Variants in GALNTL6 observed in about 807,000 individuals in gnomAD.
GALNTL6 encodes polypeptide N-acetylgalactosaminyltransferase-like 6.
Under a neutral mutation model 73.7 loss-of-function variants are expected in GALNTL6, and 46 were observed. The observed-to-expected ratio is 0.62, with a 90% CI of 0.49 to 0.80. GALNTL6 has a LOEUF of 0.80. Among genes scored for constraint, GALNTL6 ranks in the 30% least tolerant of loss-of-function variants. The probability of loss-of-function intolerance (pLI) is 0.00; values close to 1 mark genes in which losing one functional copy is unlikely to be tolerated. For missense variants in GALNTL6, 604 were observed against 755.0 expected, an observed-to-expected ratio of 0.80 and a Z score of 2.34; for synonymous variants, 259 against 263.7, an observed-to-expected ratio of 0.98 and a Z score of 0.17.
intron 2 of GALNTL6, among the ~76,000 whole-genome samples, chr4:171,958,991 ATAAACT>A (rs1739137637): frequency 6.6e-6 from 1 of 152,152 alleles, no homozygotes; most frequent in Admixed American, 6.5e-5. Context: ...ACCTTCTGAA[ATAAACT>A]TAAAGGAAAT....
At chr4:172,515,214 A>G (rs1479284053) in intron 5 of GALNTL6, among the ~76,000 whole-genome samples, 1 of 152,240 alleles carries the variant, frequency 6.6e-6, no homozygotes, top group Non-Finnish European at 1.5e-5. Context: ...CATCTTATCA[A>G]TTTAAAGGAA....
At chr4:172,196,022 T>TA (rs1560964447) in intron 2 of GALNTL6, among the ~76,000 whole-genome samples, 7 of 142,188 alleles carry the variant, frequency 4.9e-5, no homozygotes, top group African/African-American at 1.6e-4. Flanking sequence ...TTTTTTTTTT[T>TA]TAAATTAATA....
chr4:173,034,577 C>T (rs1753607628), intron 12 of GALNTL6, among the ~76,000 whole-genome samples: 1 of 152,128 alleles, frequency 6.6e-6, no homozygotes, highest in South Asian at 2.1e-4. Context: ...TGCTTAGGGC[C>T]CAGACCCTGG....
At chr4:171,891,647 T>C (rs1467127990) in intron 2 of GALNTL6, among the ~76,000 whole-genome samples, 2 of 152,182 alleles carry the variant, frequency 1.3e-5, no homozygotes, top group Non-Finnish European at 2.9e-5. Context: ...TTTTGTGCTG[T>C]AGTGAGTATT....
At chr4:172,140,657 G>C (rs892431420) in intron 2 of GALNTL6, among the ~76,000 whole-genome samples, 1 of 151,970 alleles carries the variant, frequency 6.6e-6, no homozygotes, top group Non-Finnish European at 1.5e-5. Context: ...GTTCTCAACT[G>C]TTATGTTAGT....
In GALNTL6 at chr4:172,194,134, A is replaced by G. The variant is rs186875193; in HGVS notation, c.139-35522A>G. 4.7e-3 allele frequency among the ~76,000 whole-genome samples: 713 copies of G among 152,330 alleles called. 7 individuals are homozygous for G. Among genetic ancestry groups the G allele is most frequent in the African/African-American group, 0.016 (666 of 41,588 alleles). ...GTTAACCAGAATAACCAGTTTAGAGAGGAACATAAATGACCTGATGGAGCT... is the reference window on the plus strand; with the variant it reads ...GTTAACCAGAATAACCAGTTTAGAGGGGAACATAAATGACCTGATGGAGCT... On this transcript the variant is annotated intron_variant, in intron 2 of 12. Transcript: ENST00000506823.
At chr4:172,272,935 T>G (rs1449570750) in intron 3 of GALNTL6, among the ~76,000 whole-genome samples, 1 of 150,732 alleles carries the variant, frequency 6.6e-6, no homozygotes, top group East Asian at 2.0e-4. Context: ...AAGAGAGATT[T>G]GTCAATACAA....
chr4:172,787,528 C>T (rs1200603677), intron 5 of GALNTL6, among the ~76,000 whole-genome samples: 4 of 152,164 alleles, frequency 2.6e-5, no homozygotes, highest in Non-Finnish European at 4.4e-5. Flanking sequence ...AACTAGTAGC[C>T]ATTTGGTCTT....
intron 2 of GALNTL6, among the ~76,000 whole-genome samples, chr4:172,095,021 T>A (rs1177888933): frequency 1.4e-5 from 2 of 147,198 alleles, no homozygotes; most frequent in Admixed American, 6.7e-5. Context: ...AAAAAAAAAA[T>A]CACATGGGAA....
At chr4:172,728,292 C>T (rs1384838316) in intron 5 of GALNTL6, among the ~76,000 whole-genome samples, 1 of 152,156 alleles carries the variant, frequency 6.6e-6, no homozygotes, top group Non-Finnish European at 1.5e-5. Flanking sequence ...ACCTTCCTGG[C>T]CTCCGATAAC....
At position 171,888,412 on chromosome 4, in the gene GALNTL6, C is replaced by T. The variant is rs545581333; in HGVS notation, c.138+73694C>T. Among the ~76,000 whole-genome samples, 27 of 150,628 alleles carry T rather than the reference C, an allele frequency of 1.8e-4. No homozygotes were observed. The South Asian group carries it at 5.5e-3, about 31-fold the overall frequency. On this transcript the variant is annotated intron_variant, in intron 2 of 12. Coordinates refer to ENST00000506823, the MANE Select transcript of GALNTL6 (RefSeq NM_001034845.3). ...CTTTTTGCTTAGTTTGATAGGAGCC[C>T]TTATTGACGTAAAATGGTTGTAGCA...
At chr4:171,952,862 A>G (rs78141477) in intron 2 of GALNTL6, among the ~76,000 whole-genome samples, 3,261 of 116,066 alleles carry the variant, frequency 0.028, 89 homozygotes, top group East Asian at 0.094. Context: ...TAATAAATAT[A>G]TAAACCTTGA....
intron 10 of GALNTL6, among the ~76,000 whole-genome samples, chr4:173,000,329 T>C (rs1188418845): frequency 6.6e-6 from 1 of 151,940 alleles, no homozygotes; most frequent in Non-Finnish European, 1.5e-5. Context: ...TCCCGAAAAA[T>C]AAATGAGAGT....
At chr4:172,828,683 C>T (rs927541396) in intron 7 of GALNTL6, among the ~76,000 whole-genome samples, 2 of 152,234 alleles carry the variant, frequency 1.3e-5, no homozygotes, top group East Asian at 1.9e-4. Flanking sequence ...AGAAAGGGAA[C>T]AAGTACAATT....
Position 172,720,638 on chromosome 4 carries a change from T to C in GALNTL6, c.554-88723T>C, listed in dbSNP as rs529677219. 2.8e-4 allele frequency among the ~76,000 whole-genome samples: 43 copies of C among 152,266 alleles called. No homozygotes were observed. In the South Asian group the frequency reaches 8.5e-3, roughly 30 times the overall value. On this transcript the variant is annotated intron_variant, in intron 5 of 12. Transcript: ENST00000506823. ...AAATGAAAAACTTCCTCTAAATCAA[T>C]ATAAACAAAAAATTAAAAGGCTGAC... is the stretch of plus-strand genomic sequence containing the variant.
intron 5 of GALNTL6, chr4:172,667,378 A>C (rs1027136554): frequency 6.6e-6 from 1 of 152,222 alleles, no homozygotes; most frequent in Non-Finnish European, 1.5e-5. Flanking sequence ...CTACTGTCAT[A>C]ATCACAAAGT....
chr4:173,002,206 A>G (rs909340502), intron 10 of GALNTL6, among the ~76,000 whole-genome samples: 2 of 151,890 alleles, frequency 1.3e-5, no homozygotes, highest in African/African-American at 4.8e-5. Context: ...CCTGGCCAAC[A>G]TGGTGAAACG....
intron 10 of GALNTL6, among the ~76,000 whole-genome samples, chr4:172,999,622 T>A (rs1171778031): frequency 2.6e-5 from 4 of 152,094 alleles, no homozygotes; most frequent in Non-Finnish European, 5.9e-5. Context: ...TCTTCCAAAT[T>A]TCAGACTTCT....
intron 5 of GALNTL6, among the ~76,000 whole-genome samples, chr4:172,395,737 A>G (rs1159293036): frequency 6.6e-6 from 1 of 152,214 alleles, no homozygotes; most frequent in Non-Finnish European, 1.5e-5. Flanking sequence ...GAAATATTAC[A>G]AATTTAAAGG....
Sources: allele counts gnomAD v4.1 joint callset (sites outside exome capture counted in the v4.1 genomes callset), GRCh38; gene constraint gnomAD v4.1.1; transcripts MANE v1.5; gene names NCBI Gene and HGNC (gene_info 2026-07-23, HGNC 2026-07-21).